Variants in CAB39L observed in about 807,000 individuals in gnomAD.
The protein encoded by CAB39L is calcium binding protein 39 like.
Under a neutral mutation model 39.1 loss-of-function variants are expected in CAB39L, and 23 were observed. The ratio of observed to expected loss-of-function variants is 0.59; its 90% CI spans 0.42 to 0.83. CAB39L has a LOEUF of 0.83. Ranked by LOEUF, CAB39L falls within the 40% of genes least tolerant of loss-of-function variation. The pLI is 0.00. For synonymous variants in CAB39L, 126 were observed against 137.2 expected (o/e 0.92, Z 0.57); for missense variants, 366 against 391.9 (o/e 0.93, Z 0.56).
chr13:49,349,725 C>T (rs191737443), intron 7 of CAB39L, among the ~76,000 whole-genome samples: 27 of 152,106 alleles, frequency 1.8e-4, no homozygotes, highest in Admixed American at 2.6e-4. Flanking sequence ...ATACACTAAC[C>T]GGAATGTCAA....
intron 1 of CAB39L, among the ~76,000 whole-genome samples, chr13:49,439,366 T>C (rs1389721962): frequency 6.6e-6 from 1 of 152,230 alleles, no homozygotes; most frequent in Non-Finnish European, 1.5e-5. Context: ...TGTGTAACGC[T>C]GAAGTCTGGA....
intron 10 of CAB39L, among the ~76,000 whole-genome samples, chr13:49,322,726 CTAA>C (rs1954384404): frequency 6.6e-6 from 1 of 152,136 alleles, no homozygotes; most frequent in Admixed American, 6.5e-5. Flanking sequence ...AGGAACTTAG[CTAA>C]TTCATCCTTC....
At chr13:49,328,946 A>T (rs765382340) in intron 10 of CAB39L, among the ~76,000 whole-genome samples, 1 of 152,194 alleles carries the variant, frequency 6.6e-6, no homozygotes, top group Non-Finnish European at 1.5e-5. Context: ...GTTAAAAAAA[A>T]TTGCTTTTCT....
chr13:49,337,728 T>C (rs1954884558), intron 9 of CAB39L, among the ~76,000 whole-genome samples: 1 of 107,626 alleles, frequency 9.3e-6, no homozygotes, highest in Non-Finnish European at 1.8e-5. Flanking sequence ...CTAGCTGCTC[T>C]GGCGCACACA....
chr13:49,385,653 C>T (rs922917899), intron 3 of CAB39L, among the ~76,000 whole-genome samples: 1 of 152,206 alleles, frequency 6.6e-6, no homozygotes, highest in Admixed American at 6.6e-5. Flanking sequence ...CACGTAGAGG[C>T]CACTTATAGG....
rs1393315962 is a variant in CAB39L at position 49,444,020 on chromosome 13, C to A, written c.-280G>T. The A allele has an allele frequency of 2.2e-6, 1 of 456,684 alleles. No homozygotes were observed. The highest frequency in any genetic ancestry group is 2.3e-5 in the Admixed American group (1 of 42,568). 28.3% of individuals were successfully genotyped at this position (456,684 alleles called of 1,614,324 possible). A position where few individuals can be genotyped will look rare whatever the true frequency, so the allele number is the denominator to read the frequency against. On this transcript the variant is annotated 5_prime_UTR_variant, in exon 1 of 11. Coordinates refer to ENST00000409308, the MANE Select transcript of CAB39L (RefSeq NM_001079670.3). Reference sequence around the variant, plus strand: ...CAGCTGCGCCACCACTCCAGTGATGCCGGCCTCTCGACTACGAGTAACTCC... The same window carrying A: ...CAGCTGCGCCACCACTCCAGTGATGACGGCCTCTCGACTACGAGTAACTCC...
chr13:49,402,521 T>C (rs1956796199), intron 3 of CAB39L, among the ~76,000 whole-genome samples: 2 of 152,122 alleles, frequency 1.3e-5, no homozygotes, highest in African/African-American at 4.8e-5. Flanking sequence ...CAGTCAAAAG[T>C]CTTGGGCCCT....
intron 1 of CAB39L, 62 bp downstream of exon 1, chr13:49,443,924 A>G (rs1403907611): frequency 6.6e-6 from 3 of 456,556 alleles, no homozygotes; most frequent in East Asian, 1.4e-4. Flanking sequence ...GGCGCTATGT[A>G]TGTTTTCAAC....
At chr13:49,424,906 A>G (rs1161918848) in intron 3 of CAB39L, among the ~76,000 whole-genome samples, 1 of 152,192 alleles carries the variant, frequency 6.6e-6, no homozygotes, top group African/African-American at 2.4e-5. Context: ...ATATCAAATT[A>G]TATATTTTTA....
At chr13:49,408,837 C>G (rs767413927) in intron 3 of CAB39L, among the ~76,000 whole-genome samples, 5 of 151,500 alleles carry the variant, frequency 3.3e-5, no homozygotes, top group Admixed American at 1.3e-4. Context: ...TCCCCTCCCC[C>G]CCAAAAAAAG....
At chr13:49,334,533 C>A (rs1173173402) in intron 9 of CAB39L, among the ~76,000 whole-genome samples, 1 of 152,208 alleles carries the variant, frequency 6.6e-6, no homozygotes, top group East Asian at 1.9e-4. Flanking sequence ...CCTCTCAGAA[C>A]CAGCTCAGAC....
intron 5 of CAB39L, among the ~76,000 whole-genome samples, chr13:49,372,688 G>A (rs1955953009): frequency 6.6e-6 from 1 of 152,022 alleles, no homozygotes. Flanking sequence ...TGTTTTGTTT[G>A]GAGATGGAGT....
At chr13:49,339,504 C>T (rs1191912127) in intron 9 of CAB39L, among the ~76,000 whole-genome samples, 173 bp downstream of exon 9, 1 of 152,118 alleles carries the variant, frequency 6.6e-6, no homozygotes, top group African/African-American at 2.4e-5. Context: ...AGGACACTTA[C>T]ATTATTTTGC....
chr13:49,388,264 T>C (rs1328089073), intron 3 of CAB39L, among the ~76,000 whole-genome samples: 1 of 152,176 alleles, frequency 6.6e-6, no homozygotes, highest in Admixed American at 6.5e-5. Flanking sequence ...TGGAACAGAA[T>C]CAAAGATATA....
chr13:49,383,029 C>T (rs1280042059), intron 3 of CAB39L, 88 bp from the exon 4 acceptor site: 1 of 550,280 alleles, frequency 1.8e-6, no homozygotes, highest in Non-Finnish European at 3.2e-6. Flanking sequence ...TTTTCAATAA[C>T]ATGAATTCAG....
chr13:49,423,148 G>A (rs1055628860), intron 3 of CAB39L, among the ~76,000 whole-genome samples: 1 of 152,174 alleles, frequency 6.6e-6, no homozygotes, highest in Non-Finnish European at 1.5e-5. Flanking sequence ...TCTATCATTA[G>A]TATCATCAGG....
intron 10 of CAB39L, among the ~76,000 whole-genome samples, chr13:49,321,554 C>T (rs1483134530): frequency 2.0e-5 from 3 of 152,118 alleles, no homozygotes; most frequent in Admixed American, 6.5e-5. Context: ...GTGCAGCGTG[C>T]GCCTTCCGGG....
intron 1 of CAB39L, among the ~76,000 whole-genome samples, chr13:49,438,813 C>T (rs7327520): frequency 0.57 from 86,845 of 152,006 alleles, 25,045 homozygotes; most frequent in Non-Finnish European, 0.61. Flanking sequence ...ACATATGTTA[C>T]ATTTAAACCT....
At chr13:49,396,516 C>T (rs1185676114) in intron 3 of CAB39L, among the ~76,000 whole-genome samples, 1 of 152,112 alleles carries the variant, frequency 6.6e-6, no homozygotes, top group Non-Finnish European at 1.5e-5. Flanking sequence ...TGAGACCAGC[C>T]TAGCCAACAT....
Sources: allele counts gnomAD v4.1 joint callset (sites outside exome capture counted in the v4.1 genomes callset), GRCh38; gene constraint gnomAD v4.1.1; transcripts MANE v1.5; gene names NCBI Gene and HGNC (gene_info 2026-07-23, HGNC 2026-07-21).